KCNJ6: variants seen among roughly 807,000 people sequenced by gnomAD.
KCNJ6 encodes G protein-activated inward rectifier potassium channel 2.
In KCNJ6, 9 loss-of-function variants were observed where a neutral mutation model predicts 34.2. That is an observed-to-expected ratio of 0.26 (90% CI 0.16 to 0.46). The LOEUF (loss-of-function observed/expected upper bound fraction) is 0.46, where lower values mean the gene tolerates loss of function less well. Among genes scored for constraint, KCNJ6 ranks in the 20% least tolerant of loss-of-function variants. KCNJ6 has a pLI of 1.00. For synonymous variants in KCNJ6, 196 were observed against 207.1 expected, an observed-to-expected ratio of 0.95 and a Z score of 0.46; for missense variants, 236 against 531.3, an observed-to-expected ratio of 0.44 and a Z score of 5.46.
At chr21:37,731,817 G>A (rs74562774) in intron 2 of KCNJ6, among the ~76,000 whole-genome samples, 10,100 of 152,294 alleles carry the variant, frequency 0.066, 357 homozygotes, top group Non-Finnish European at 0.075. Context: ...TGCAGGCAGT[G>A]AGAAGGCGGA....
intron 2 of KCNJ6, among the ~76,000 whole-genome samples, chr21:37,721,063 A>G (rs2054823915): frequency 1.3e-5 from 2 of 152,230 alleles, no homozygotes; most frequent in Admixed American, 1.3e-4. Context: ...GAATATATAA[A>G]GAACTCTTAC....
intron 1 of KCNJ6, among the ~76,000 whole-genome samples, chr21:37,890,289 C>T (rs2055755944): frequency 6.6e-6 from 1 of 152,116 alleles, no homozygotes; most frequent in South Asian, 2.1e-4. Flanking sequence ...TGAGAACTCC[C>T]TCACTATCAT....
chr21:37,843,436 T>C (rs1308980525), intron 1 of KCNJ6, among the ~76,000 whole-genome samples: 3 of 152,208 alleles, frequency 2.0e-5, no homozygotes, highest in African/African-American at 4.8e-5. Context: ...TGTTTTGGTG[T>C]AAGTGGTTTA....
intron 2 of KCNJ6, among the ~76,000 whole-genome samples, chr21:37,775,893 C>A (rs1300675271): frequency 6.6e-6 from 1 of 151,922 alleles, no homozygotes; most frequent in East Asian, 1.9e-4. Flanking sequence ...TGAAGAAAGT[C>A]ATTGGTAGCT....
In KCNJ6 at chr21:37,617,010, C is replaced by CTCTTTCTTTCCT. The variant is rs2054270892; in HGVS notation, c.*8148_*8149insAGGAAAGAAAGA. 6 of 68,058 alleles carry CTCTTTCTTTCCT rather than the reference C, an allele frequency of 8.8e-5. No homozygotes were observed. Among genetic ancestry groups the CTCTTTCTTTCCT allele is most frequent in the African/African-American group, 2.5e-4 (5 of 19,846 alleles). 4.2% of individuals were successfully genotyped at this position (68,058 alleles called of 1,614,324 possible). A position where few individuals can be genotyped will look rare whatever the true frequency, so the allele number is the denominator to read the frequency against. ...CTCTTTCTTTCTTTCTCTTTCTTTT[C>CTCTTTCTTTCCT]TCTTTCTTTCTTTCTTTCTTTCTTT... On this transcript the variant is annotated 3_prime_UTR_variant, in exon 4 of 4. Transcript: ENST00000609713.
intron 3 of KCNJ6, among the ~76,000 whole-genome samples, chr21:37,684,348 A>T (rs1345583207): frequency 9.5e-5 from 14 of 147,476 alleles, no homozygotes; most frequent in Admixed American, 6.7e-5. Flanking sequence ...TTTCCACTCC[A>T]TTTTTTTTTT....
chr21:37,662,143 G>T (rs909664088), intron 3 of KCNJ6, among the ~76,000 whole-genome samples: 2 of 152,026 alleles, frequency 1.3e-5, no homozygotes, highest in Non-Finnish European at 2.9e-5. Flanking sequence ...AGGATGTACA[G>T]GTTTGTTACA....
chr21:37,740,510 C>A (rs1272064129), intron 2 of KCNJ6, among the ~76,000 whole-genome samples: 2 of 152,192 alleles, frequency 1.3e-5, no homozygotes, highest in African/African-American at 4.8e-5. Context: ...CAACCCCCCT[C>A]CTTTGAGTTG....
chr21:37,798,633 C>A (rs999766738), intron 2 of KCNJ6, among the ~76,000 whole-genome samples: 37 of 152,148 alleles, frequency 2.4e-4, no homozygotes, highest in African/African-American at 8.2e-4. Flanking sequence ...ATAGATGAAC[C>A]TTGAAAACAT....
intron 2 of KCNJ6, among the ~76,000 whole-genome samples, chr21:37,820,620 T>A (rs1035916431): frequency 6.6e-6 from 1 of 152,232 alleles, no homozygotes; most frequent in East Asian, 1.9e-4. Context: ...GTATGACCCA[T>A]TCAGGTTCCA....
intron 2 of KCNJ6, among the ~76,000 whole-genome samples, chr21:37,815,932 G>C (rs1453724484): frequency 6.6e-6 from 1 of 152,206 alleles, no homozygotes; most frequent in Admixed American, 6.5e-5. Flanking sequence ...CAAGCGCTAA[G>C]AGTGCATCTT....
chr21:37,724,022 A>G (rs2054840936), intron 2 of KCNJ6, among the ~76,000 whole-genome samples: 1 of 152,154 alleles, frequency 6.6e-6, no homozygotes, highest in Non-Finnish European at 1.5e-5. Flanking sequence ...CAGATTCTGC[A>G]CTGCTGGTAT....
intron 3 of KCNJ6, among the ~76,000 whole-genome samples, chr21:37,696,944 G>A (rs78061828): frequency 2.0e-5 from 3 of 152,144 alleles, no homozygotes; most frequent in African/African-American, 4.8e-5. Context: ...TCAATTTCAT[G>A]ATCTGAAATG....
At chr21:37,828,498 G>A (rs1276387708) in intron 2 of KCNJ6, among the ~76,000 whole-genome samples, 1 of 152,186 alleles carries the variant, frequency 6.6e-6, no homozygotes, top group Admixed American at 6.5e-5. Context: ...GGAGCTGGGG[G>A]GTGATGGATT....
At chr21:37,889,533 C>T (rs1044678028) in intron 1 of KCNJ6, among the ~76,000 whole-genome samples, 6 of 152,040 alleles carry the variant, frequency 3.9e-5, no homozygotes, top group African/African-American at 1.4e-4. Context: ...GGTGGTGTTC[C>T]TAGAGGGCTG....
intron 2 of KCNJ6, among the ~76,000 whole-genome samples, chr21:37,761,953 T>C (rs2055067594): frequency 6.6e-6 from 1 of 151,880 alleles, no homozygotes. Context: ...GGGAGGAGGG[T>C]GGTGAGGAAT....
At chr21:37,781,194 C>T (rs868191376) in intron 2 of KCNJ6, among the ~76,000 whole-genome samples, 3 of 152,206 alleles carry the variant, frequency 2.0e-5, no homozygotes, top group Non-Finnish European at 2.9e-5. Context: ...TGAGTCATGA[C>T]GGAAGCTTCT....
chr21:37,782,920 C>A (rs1278125186), intron 2 of KCNJ6, among the ~76,000 whole-genome samples: 2 of 152,216 alleles, frequency 1.3e-5, no homozygotes, highest in African/African-American at 4.8e-5. Context: ...GTTGCCCCAT[C>A]TTGACTCACC....
chr21:37,718,926 G>A (rs1379931895), intron 2 of KCNJ6, among the ~76,000 whole-genome samples: 1 of 152,202 alleles, frequency 6.6e-6, no homozygotes, highest in Non-Finnish European at 1.5e-5. Context: ...GGCTCCGGTG[G>A]GTCCCTCCCA....
Sources: allele counts gnomAD v4.1 joint callset (sites outside exome capture counted in the v4.1 genomes callset), GRCh38; gene constraint gnomAD v4.1.1; transcripts MANE v1.5; gene names NCBI Gene and HGNC (gene_info 2026-07-23, HGNC 2026-07-21).